EPHA3: variants seen among roughly 807,000 people sequenced by gnomAD.
EPHA3 encodes the protein EPH receptor A3.
In EPHA3, 42 loss-of-function variants were observed where a neutral mutation model predicts 107.1. The ratio of observed to expected loss-of-function variants is 0.39; its 90% CI spans 0.31 to 0.51. The LOEUF (loss-of-function observed/expected upper bound fraction) is 0.51. EPHA3 is among the 20% of genes least tolerant of loss of function. The pLI is 0.78. For missense variants in EPHA3, 1,183 were observed against 1,211.2 expected, an observed-to-expected ratio of 0.98 and a Z score of 0.35; for synonymous variants, 461 against 424.8, an observed-to-expected ratio of 1.09 and a Z score of -1.05.
intron 3 of EPHA3, among the ~76,000 whole-genome samples, chr3:89,332,833 T>G (rs1167277043): frequency 6.6e-6 from 1 of 152,152 alleles, no homozygotes; most frequent in Non-Finnish European, 1.5e-5. Context: ...AGAGACCTAT[T>G]TACCAACAGC....
In EPHA3 at chr3:89,354,437, T is replaced by C. The variant is rs532366460; in HGVS notation, c.1306+12347T>C. Among the ~76,000 whole-genome samples, 9 of 151,278 alleles carry C rather than the reference T, an allele frequency of 5.9e-5. No homozygotes were observed. The East Asian group carries it at 7.7e-4, about 13-fold the overall frequency. ...ATCATACAGCTCAGCATTCTGACTT[T>C]ATAATCCTATCAATATAGTACCAGT... On this transcript the variant is annotated intron_variant, in intron 5 of 16. Coordinates refer to ENST00000336596, the MANE Select transcript of EPHA3 (RefSeq NM_005233.6).
At chr3:89,276,428 T>TA (rs1705809264) in intron 3 of EPHA3, among the ~76,000 whole-genome samples, 1 of 152,096 alleles carries the variant, frequency 6.6e-6, no homozygotes, top group African/African-American at 2.4e-5. Context: ...AAGGAATGTT[T>TA]AAATGGATGC....
intron 7 of EPHA3, among the ~76,000 whole-genome samples, chr3:89,402,977 C>T (rs1251612609): frequency 5.3e-5 from 8 of 151,988 alleles, no homozygotes; most frequent in Admixed American, 3.9e-4. Context: ...CGTGCCCAGC[C>T]GGTTTTAATT....
intron 5 of EPHA3, among the ~76,000 whole-genome samples, chr3:89,382,374 G>A (rs558470018): frequency 6.6e-6 from 1 of 152,094 alleles, no homozygotes; most frequent in South Asian, 2.1e-4. Flanking sequence ...CAGGCATGGT[G>A]GTGGGAACCT....
chr3:89,293,720 T>A (rs1706274339), intron 3 of EPHA3, among the ~76,000 whole-genome samples: 1 of 152,156 alleles, frequency 6.6e-6, no homozygotes, highest in Non-Finnish European at 1.5e-5. Context: ...TGTGCCTTGC[T>A]TTTCCTTCGT....
intron 5 of EPHA3, among the ~76,000 whole-genome samples, chr3:89,386,201 A>G (rs1410356223): frequency 3.9e-5 from 6 of 152,222 alleles, no homozygotes; most frequent in Admixed American, 2.6e-4. Context: ...AAATTTGCAT[A>G]AGTAATAAGG....
chr3:89,234,925 C>T (rs535645310), intron 3 of EPHA3, among the ~76,000 whole-genome samples: 1 of 145,792 alleles, frequency 6.9e-6, no homozygotes, highest in South Asian at 2.2e-4. Context: ...CCTTCCTTCC[C>T]TCCCTTCCTT....
intron 3 of EPHA3, among the ~76,000 whole-genome samples, chr3:89,217,743 A>G (rs1704252833): frequency 6.6e-6 from 1 of 152,232 alleles, no homozygotes; most frequent in Admixed American, 6.5e-5. Context: ...ACAAAAGGTT[A>G]AAAGAAAATG....
At chr3:89,376,771 A>G (rs1309906822) in intron 5 of EPHA3, among the ~76,000 whole-genome samples, 1 of 152,094 alleles carries the variant, frequency 6.6e-6, no homozygotes, top group Non-Finnish European at 1.5e-5. Flanking sequence ...ATAGTTTGTC[A>G]TCAGCGTTAT....
chr3:89,174,363 G>A (rs1411122050), intron 2 of EPHA3, among the ~76,000 whole-genome samples: 2 of 151,964 alleles, frequency 1.3e-5, no homozygotes, highest in Admixed American at 1.3e-4. Flanking sequence ...AGGCAAAAAT[G>A]TAAGTGTGGT....
At chr3:89,417,974 A>C (rs140180356) in intron 10 of EPHA3, among the ~76,000 whole-genome samples, 1 of 151,514 alleles carries the variant, frequency 6.6e-6, no homozygotes, top group African/African-American at 2.4e-5. Flanking sequence ...CCAGGGAGAG[A>C]GACACCATTT....
chr3:89,265,732 C>T (rs755092576), intron 3 of EPHA3, among the ~76,000 whole-genome samples: 52 of 152,022 alleles, frequency 3.4e-4, no homozygotes, highest in Non-Finnish European at 5.7e-4. Flanking sequence ...AGCAATGCAT[C>T]ACTCCTTTTG....
At chr3:89,266,459 T>C (rs1375702964) in intron 3 of EPHA3, among the ~76,000 whole-genome samples, 1 of 152,170 alleles carries the variant, frequency 6.6e-6, no homozygotes, top group African/African-American at 2.4e-5. Flanking sequence ...TGTGTCAGTG[T>C]TGAATTGAGG....
intron 2 of EPHA3, among the ~76,000 whole-genome samples, chr3:89,135,929 ATAAG>A (rs923791375): frequency 1.3e-5 from 2 of 152,142 alleles, no homozygotes; most frequent in African/African-American, 4.8e-5. Context: ...ACTTTCTAAA[ATAAG>A]TAATTACTTT....
At chr3:89,298,435 A>C (rs1459327868) in intron 3 of EPHA3, among the ~76,000 whole-genome samples, 1 of 152,142 alleles carries the variant, frequency 6.6e-6, no homozygotes, top group Admixed American at 6.6e-5. Flanking sequence ...CAGCAGTAAA[A>C]TATTGCACCA....
chr3:89,404,001 T>C (rs1268507814), intron 7 of EPHA3, among the ~76,000 whole-genome samples: 2 of 152,064 alleles, frequency 1.3e-5, no homozygotes, highest in African/African-American at 4.8e-5. Context: ...TGGAATAAAG[T>C]TGAGTTTTAA....
intron 15 of EPHA3, among the ~76,000 whole-genome samples, chr3:89,461,176 A>T (rs1436287826): frequency 2.9e-4 from 29 of 99,112 alleles, no homozygotes; most frequent in African/African-American, 1.4e-3. Context: ...TTATGGCTGC[A>T]TAGTATTCCA....
chr3:89,318,667 C>T (rs1020075052), intron 3 of EPHA3, among the ~76,000 whole-genome samples: 7 of 151,854 alleles, frequency 4.6e-5, no homozygotes, highest in African/African-American at 1.7e-4. Context: ...TGCTTACATT[C>T]AGCAGAAACC....
At chr3:89,361,958 A>G (rs560098590) in intron 5 of EPHA3, among the ~76,000 whole-genome samples, 15 of 151,278 alleles carry the variant, frequency 9.9e-5, no homozygotes, top group East Asian at 9.7e-4. Context: ...AATGCACACT[A>G]TGTCTAAAAA....
Sources: gnomAD v4.1 joint callset for allele counts (sites outside exome capture counted in the v4.1 genomes callset) on GRCh38, gnomAD v4.1.1 for gene constraint, MANE v1.5 for transcripts, NCBI Gene and HGNC (gene_info 2026-07-23, HGNC 2026-07-21) for gene names.